The following RPA2 variants were observed in gnomAD, a reference collection of about 807,000 sequenced individuals.
RPA2 encodes replication protein A 32 kDa subunit.
Under a neutral mutation model 33.4 loss-of-function variants are expected in RPA2, and 22 were observed. The ratio of observed to expected loss-of-function variants is 0.66; its 90% CI spans 0.47 to 0.94. The LOEUF is 0.94. RPA2 is among the 40% of genes least tolerant of loss of function. The probability of loss-of-function intolerance (pLI) is 0.00; values close to 1 mark genes in which losing one functional copy is unlikely to be tolerated. For synonymous variants in RPA2, 109 were observed against 114.9 expected, an observed-to-expected ratio of 0.95 and a Z score of 0.33; for missense variants, 279 against 329.9, an observed-to-expected ratio of 0.85 and a Z score of 1.19.
intron 6 of RPA2, among the ~76,000 whole-genome samples, chr1:27,895,347 G>A (rs28904897): frequency 0.014 from 2,076 of 152,184 alleles, 38 homozygotes; most frequent in Middle Eastern, 0.031. Context: ...GCTTGAACCC[G>A]AGAGGCGGAG....
intron 2 of RPA2, among the ~76,000 whole-genome samples, chr1:27,908,573 A>C (rs2090060119): frequency 6.6e-6 from 1 of 151,890 alleles, no homozygotes; most frequent in East Asian, 1.9e-4. Flanking sequence ...TCAGCTCACT[A>C]CAACCTCAAT....
Position 27,892,146 on chromosome 1 carries a change from TACCCAGTTAG to T in RPA2, c.*7_*16del. On this transcript the variant is annotated 3_prime_UTR_variant, in exon 9 of 9. Transcript: ENST00000373912. ...AGGTCCAGCTGTAAAATATCTCAGGTACCCAGTTAGATCCAGTTATTCTGCATCTGTGGAT... is the reference window on the plus strand; with the variant it reads ...AGGTCCAGCTGTAAAATATCTCAGGTATCCAGTTATTCTGCATCTGTGGAT... 5 of 1,594,614 alleles carry T rather than the reference TACCCAGTTAG, an allele frequency of 3.1e-6. No individual in the cohort carries two copies. The highest frequency in any genetic ancestry group is 4.3e-6 in the Non-Finnish European group (5 of 1,163,088).
Position 27,894,281 on chromosome 1 carries a change from G to A in RPA2, c.633+9C>T, listed in dbSNP as rs1207067809. Reference sequence around the variant, plus strand: ...TTTGTATTTCTGAAGCCACTCTGGTGGAGGTTACCTGGTTTTGGGCCACAG... The same window carrying A: ...TTTGTATTTCTGAAGCCACTCTGGTAGAGGTTACCTGGTTTTGGGCCACAG... On this transcript the variant is annotated intron_variant, in intron 7 of 8. Transcript: ENST00000373912. 1 of 1,610,962 alleles carries A rather than the reference G, an allele frequency of 6.2e-7. No individual in the cohort carries two copies. Among genetic ancestry groups the A allele is most frequent in the East Asian group, 2.2e-5 (1 of 44,880 alleles).
intron 5 of RPA2, 124 bp from the exon 6 acceptor site, chr1:27,897,245 C>T: frequency 6.1e-6 from 4 of 660,434 alleles, no homozygotes; most frequent in Non-Finnish European, 1.0e-5. Flanking sequence ...ATGTTATATA[C>T]TCTCAGAGGT....
intron 2 of RPA2, 67 bp from the exon 3 acceptor site, chr1:27,907,349 A>G: frequency 8.4e-7 from 1 of 1,191,190 alleles, no homozygotes; most frequent in Non-Finnish European, 1.2e-6. Flanking sequence ...AACACCTGCC[A>G]TGTGCCAAGT....
intron 2 of RPA2, 34 bp from the exon 3 acceptor site, chr1:27,907,316 AAAGT>A (rs773557487): frequency 1.9e-6 from 3 of 1,548,214 alleles, no homozygotes; most frequent in Non-Finnish European, 8.8e-7. Context: ...TTCAATTAAG[AAAGT>A]AATAACTACC....
At position 27,892,237 on chromosome 1, in the gene RPA2, C is replaced by T; in HGVS notation, c.739G>A (p.Asp247Asn). 1.2e-6 allele frequency: 2 copies of T among 1,612,422 alleles called. No individual in the cohort carries two copies. Among genetic ancestry groups the T allele is most frequent in the Non-Finnish European group, 1.7e-6 (2 of 1,178,850 alleles). Residue 247 changes from aspartate to asparagine, a missense_variant, in exon 9 of 9, where the codon GAT becomes AAT. Asp to Asn is a conservative substitution (Grantham distance 23). Coordinates refer to ENST00000373912, the MANE Select transcript of RPA2 (RefSeq NM_002946.5). The part of the protein sequence containing the change: ...MSVSSIKQAV[D>N]FLSNEGHIYS... ...ATGTGCCCCTCATTGCTCAGAAAAT[C>T]CACAGCTTGCCTAGAAAGAAAGAAG...
chr1:27,899,736 A>T (rs988860865), intron 4 of RPA2, among the ~76,000 whole-genome samples: 1 of 151,866 alleles, frequency 6.6e-6, no homozygotes, highest in African/African-American at 2.4e-5. Context: ...GCTGGAGTGC[A>T]GTGGTGGGAT....
At chr1:27,914,719 TACG>T (rs2090149767), upstream of RPA2, 1 of 1,591,440 alleles carries the variant, frequency 6.3e-7, no homozygotes, top group African/African-American at 1.3e-5. Context: ...CGGCCATCTT[TACG>T]AAGGGCAAAA....
At chr1:27,893,196 T>C (rs1410490435) in intron 8 of RPA2, among the ~76,000 whole-genome samples, 1 of 152,204 alleles carries the variant, frequency 6.6e-6, no homozygotes, top group Non-Finnish European at 1.5e-5. Context: ...CATATAGTGG[T>C]CCTTAGTGCT....
chr1:27,908,216 T>C (rs1193486541), intron 2 of RPA2, among the ~76,000 whole-genome samples: 2 of 151,832 alleles, frequency 1.3e-5, no homozygotes, highest in African/African-American at 4.8e-5. Flanking sequence ...CTCAAACTCA[T>C]GGGCTCAAGC....
intron 4 of RPA2, among the ~76,000 whole-genome samples, chr1:27,901,019 G>T: frequency 6.6e-6 from 1 of 152,268 alleles, no homozygotes; most frequent in Non-Finnish European, 1.5e-5. Context: ...TTGTTAAAAC[G>T]ACAATAAAGG....
chr1:27,911,566 C>G (rs1434317107), intron 2 of RPA2, among the ~76,000 whole-genome samples: 1 of 152,070 alleles, frequency 6.6e-6, no homozygotes. Flanking sequence ...TCAAGAAAAT[C>G]AGAATAGAGA....
rs1235645898 is a variant in RPA2 at position 27,893,454 on chromosome 1, C to T, written c.728+558G>A. ...CTGGGTAGCTGGGACTACAGACATG[C>T]GCCACTGTGCCCGGCTAATTTGTTT... On this transcript the variant is annotated intron_variant, in intron 8 of 8. Coordinates refer to ENST00000373912, the MANE Select transcript of RPA2 (RefSeq NM_002946.5). Among the ~76,000 whole-genome samples, 10 of 151,948 alleles carry T rather than the reference C, an allele frequency of 6.6e-5. 1 individual carries two copies. The South Asian group carries it at 1.5e-3, about 22-fold the overall frequency.
At position 27,894,306 on chromosome 1, in the gene RPA2, G is replaced by A. The variant is rs2089862728; in HGVS notation, c.617C>T (p.Thr206Ile). 1 of 1,613,852 alleles carries A rather than the reference G, an allele frequency of 6.2e-7. No individual in the cohort carries two copies. The highest frequency in any genetic ancestry group is 1.7e-5 in the Admixed American group (1 of 59,980). The change falls in exon 7 of 9, where the codon ACT becomes ATT. Residue 206 changes from threonine (T) to isoleucine (I), a missense_variant. Physicochemically the swap from Thr to Ile is moderately conservative, Grantham distance 89. Around this residue, in one of 2 missense-constraint regions of RPA2, gnomAD observed 274 missense variants for 310.3 expected, o/e 0.88. Transcript: ENST00000373912. ...GNSFMPANGL[T>I]VAQNQVLNLI... is the part of the protein sequence containing the mutation. The stretch of plus-strand genomic sequence containing the variant: ...GGAGGTTACCTGGTTTTGGGCCACA[G>A]TGAGGCCATTTGCTGGCATGAAGCT...
At chr1:27,898,360 CAT>C (rs1039592205) in intron 4 of RPA2, among the ~76,000 whole-genome samples, 56 of 152,076 alleles carry the variant, frequency 3.7e-4, no homozygotes, top group Non-Finnish European at 7.4e-5. Flanking sequence ...CAAATGATAA[CAT>C]AGAATTCTAT....
Position 27,909,042 on chromosome 1 carries a change from C to T in RPA2, c.118-1760G>A, listed in dbSNP as rs75331364. Among the ~76,000 whole-genome samples, 763 of 152,254 alleles carry T rather than the reference C, an allele frequency of 5.0e-3. 10 individuals are homozygous for T. Among genetic ancestry groups the T allele is most frequent in the African/African-American group, 0.017 (715 of 41,542 alleles). ...AAAGAGGGAGGCTTTAGGCTGAACTCTGAAGCACGAGAATTTCAACAGCGA... is the reference window on the plus strand; with the variant it reads ...AAAGAGGGAGGCTTTAGGCTGAACTTTGAAGCACGAGAATTTCAACAGCGA... On this transcript the variant is annotated intron_variant, in intron 2 of 8. Transcript: ENST00000373912.
chr1:27,914,194 C>A (rs1305755063), intron 1 of RPA2, 25 bp from the exon 2 acceptor site: 1 of 1,613,426 alleles, frequency 6.2e-7, no homozygotes, highest in South Asian at 1.1e-5. Flanking sequence ...AGGATTAGTG[C>A]CTGTGCCACG....
chr1:27,897,491 T>A (rs867248855), intron 5 of RPA2, 142 bp downstream of exon 5: 105 of 509,240 alleles, frequency 2.1e-4, no homozygotes, highest in Middle Eastern at 7.8e-4. Context: ...AAAAGAAAAG[T>A]TATTTCCTTT....
Sources: allele counts gnomAD v4.1 joint callset (sites outside exome capture counted in the v4.1 genomes callset), GRCh38; gene constraint gnomAD v4.1.1; regional missense constraint gnomAD v4.1.1; transcripts MANE v1.5; gene names NCBI Gene and HGNC (gene_info 2026-07-23, HGNC 2026-07-21).